The following HACL1 variants were observed in gnomAD, a reference collection of about 807,000 sequenced individuals.
HACL1 encodes the protein 1600020H07Rik.
In HACL1, 64 loss-of-function variants were observed where a neutral mutation model predicts 74.2. The observed-to-expected ratio is 0.86, with a 90% CI of 0.70 to 1.06. HACL1 has a LOEUF of 1.06. Among genes scored for constraint, HACL1 ranks in the 50% least tolerant of loss-of-function variants. The pLI is 0.00. For missense variants in HACL1, 728 were observed against 719.7 expected (o/e 1.01, Z -0.13); for synonymous variants, 230 against 238.8 (o/e 0.96, Z 0.34).
At chr3:15,566,632 G>A (rs1225836245) in intron 14 of HACL1, among the ~76,000 whole-genome samples, 1 of 151,876 alleles carries the variant, frequency 6.6e-6, no homozygotes, top group Non-Finnish European at 1.5e-5. Context: ...CTCCAGTCTG[G>A]GTGACAAAGC....
chr3:15,568,754 A>G (rs1179219227), intron 12 of HACL1, among the ~76,000 whole-genome samples, 168 bp from the exon 13 acceptor site: 1 of 152,256 alleles, frequency 6.6e-6, no homozygotes, highest in Non-Finnish European at 1.5e-5. Flanking sequence ...ACCTGTGAAC[A>G]GCCCTGGGGG....
chr3:15,576,148 CTG>C (rs1294979154), intron 9 of HACL1, among the ~76,000 whole-genome samples: 1 of 87,518 alleles, frequency 1.1e-5, no homozygotes, highest in African/African-American at 5.3e-5. Context: ...AAGCGAGACT[CTG>C]TCTCAAAAAA....
intron 9 of HACL1, among the ~76,000 whole-genome samples, chr3:15,578,134 C>T (rs1454036451): frequency 6.8e-6 from 1 of 147,846 alleles, no homozygotes; most frequent in Non-Finnish European, 1.5e-5. Context: ...AACCCTAAAG[C>T]AATATAAAAC....
chr3:15,578,614 G>A (rs945449947), intron 9 of HACL1, among the ~76,000 whole-genome samples: 3 of 152,164 alleles, frequency 2.0e-5, no homozygotes, highest in African/African-American at 7.2e-5. Flanking sequence ...AGAGTATGGG[G>A]GGAAATGTCA....
chr3:15,567,830 G>T lies in HACL1; in HGVS notation c.1409+14C>A. On this transcript the variant is annotated intron_variant, in intron 14 of 16. Coordinates refer to ENST00000321169, the MANE Select transcript of HACL1 (RefSeq NM_012260.4). The stretch of plus-strand genomic sequence containing the variant: ...CTAGAGAATCAAATGCTCTGATTCA[G>T]GATGATGTTTTACCTGCAGATGGTT... 1 of 1,608,410 alleles carries T rather than the reference G, an allele frequency of 6.2e-7. No homozygotes were observed. The highest frequency in any genetic ancestry group is 8.5e-7 in the Non-Finnish European group (1 of 1,174,772).
chr3:15,592,487 T>C (rs889773368), intron 3 of HACL1, among the ~76,000 whole-genome samples: 6 of 125,130 alleles, frequency 4.8e-5, no homozygotes, highest in Non-Finnish European at 7.0e-5. Flanking sequence ...TACATACACT[T>C]GTATACATAT....
chr3:15,583,750 C>G (rs1216136132), intron 7 of HACL1, among the ~76,000 whole-genome samples: 1 of 151,804 alleles, frequency 6.6e-6, no homozygotes, highest in Non-Finnish European at 1.5e-5. Context: ...CTCCATCTCC[C>G]AAGTTCAAGC....
chr3:15,598,480 T>C (rs2064114463), intron 2 of HACL1, among the ~76,000 whole-genome samples: 1 of 152,210 alleles, frequency 6.6e-6, no homozygotes, highest in Non-Finnish European at 1.5e-5. Context: ...TTTTGGCAAG[T>C]TGCTCTAAAT....
At chr3:15,592,585 C>T (rs1314942180) in intron 3 of HACL1, among the ~76,000 whole-genome samples, 4 of 134,948 alleles carry the variant, frequency 3.0e-5, no homozygotes, top group African/African-American at 8.4e-5. Context: ...CACATGTGTG[C>T]GTGTATACAC....
rs751496651 is a variant in HACL1, at chr3:15,589,528, A to T, written c.381+12T>A. ...TAAAAATAAAAAAAACCAAAATCTT[A>T]AAGTTGGATACCTGAGGAAACTCCT... On this transcript the variant is annotated intron_variant, in intron 5 of 16. Coordinates refer to ENST00000321169, the MANE Select transcript of HACL1 (RefSeq NM_012260.4). 2.6e-6 allele frequency: 4 copies of T among 1,558,574 alleles called. No individual in the cohort carries two copies. The African/African-American group carries it at 5.5e-5, about 21-fold the overall frequency.
intron 9 of HACL1, among the ~76,000 whole-genome samples, chr3:15,576,838 T>C (rs2063635056): frequency 6.6e-6 from 1 of 152,192 alleles, no homozygotes; most frequent in Non-Finnish European, 1.5e-5. Flanking sequence ...ACTCATAAAT[T>C]GAGTACATAC....
rs1316531476 is a variant in HACL1 at position 15,601,127 on chromosome 3, A to T, written c.149T>A (p.Leu50Gln). Residue 50 changes from leucine to glutamine, a missense_variant, in exon 2 of 17, where the codon CTA becomes CAA. Coordinates refer to ENST00000321169, the MANE Select transcript of HACL1 (RefSeq NM_012260.4). ...VTEIAIAAQQLGIKYIGMRNE... is the reference protein window; with the variant it reads ...VTEIAIAAQQQGIKYIGMRNE... Reference sequence around the variant, plus strand: ...CCTCATCCCGATGTACTTGATGCCTAGCTGCTGGGCAGCAATGGCGATTTC... The same window carrying T: ...CCTCATCCCGATGTACTTGATGCCTTGCTGCTGGGCAGCAATGGCGATTTC... The T allele has an allele frequency of 3.7e-6, 6 of 1,613,412 alleles. No homozygotes were observed. Among genetic ancestry groups the T allele is most frequent in the Non-Finnish European group, 5.1e-6 (6 of 1,179,416 alleles).
intron 9 of HACL1, among the ~76,000 whole-genome samples, chr3:15,577,858 G>A (rs1361007037): frequency 1.3e-5 from 2 of 151,884 alleles, no homozygotes; most frequent in Non-Finnish European, 2.9e-5. Context: ...CAGCACTTTG[G>A]GAGGCTGAGG....
intron 3 of HACL1, among the ~76,000 whole-genome samples, chr3:15,592,455 C>G (rs1284338360): frequency 1.6e-5 from 2 of 123,942 alleles, no homozygotes; most frequent in Non-Finnish European, 3.3e-5. Context: ...TACATACACA[C>G]ACGTATACAT....
At chr3:15,587,896 T>C (rs1559558118) in intron 5 of HACL1, among the ~76,000 whole-genome samples, 1 of 152,202 alleles carries the variant, frequency 6.6e-6, no homozygotes, top group Non-Finnish European at 1.5e-5. Context: ...TGATTTTATT[T>C]ATGTATTTAT....
rs1218113872 is a variant in HACL1, at chr3:15,601,466, T to C, written c.-3A>G. 1 of 1,612,628 alleles carries C rather than the reference T, an allele frequency of 6.2e-7. No homozygotes were observed. Among genetic ancestry groups the C allele is most frequent in the Admixed American group, 1.7e-5 (1 of 60,018 alleles). On this transcript the variant is annotated 5_prime_UTR_variant, in exon 1 of 17. Coordinates refer to ENST00000321169, the MANE Select transcript of HACL1 (RefSeq NM_012260.4). Reference sequence around the variant, plus strand: ...TCTGCGAAGTTACTGTCCGGCATCTTCCACCGAAAAGCTCTAAGCACTCAC... The same window carrying C: ...TCTGCGAAGTTACTGTCCGGCATCTCCCACCGAAAAGCTCTAAGCACTCAC...
chr3:15,587,183 T>C (rs1025311312), intron 5 of HACL1, among the ~76,000 whole-genome samples: 5 of 149,984 alleles, frequency 3.3e-5, no homozygotes, highest in African/African-American at 1.2e-4. Context: ...GAAAAGCTGA[T>C]AGTCCCACAG....
At chr3:15,567,587 C>T (rs977005021) in intron 14 of HACL1, among the ~76,000 whole-genome samples, 1 of 152,122 alleles carries the variant, frequency 6.6e-6, no homozygotes, top group African/African-American at 2.4e-5. Context: ...CAGTCCCCAA[C>T]ATTTTTTTCT....
chr3:15,601,091 G>T lies in HACL1; in HGVS notation c.185C>A (p.Ala62Glu). 6.2e-7 allele frequency: 1 copy of T among 1,600,994 alleles called. No individual in the cohort carries two copies. Among genetic ancestry groups the T allele is most frequent in the Non-Finnish European group, 8.6e-7 (1 of 1,167,972 alleles). Residue 62 changes from alanine to glutamate, a missense_variant and splice_region_variant, in exon 2 of 17, where the codon GCG becomes GAG. By Grantham distance (107) the Ala-to-Glu change is moderately radical. Transcript: ENST00000321169. Reference sequence around the variant, plus strand: ...TCAGCCACCTGAGTCCATACTCACCGCTTGCTCATTCCTCATCCCGATGTA... The same window carrying T: ...TCAGCCACCTGAGTCCATACTCACCTCTTGCTCATTCCTCATCCCGATGTA... ...IKYIGMRNEQ[A>E]ACYAASAIGY...
Sources: gnomAD v4.1 joint callset for allele counts (sites outside exome capture counted in the v4.1 genomes callset) on GRCh38, gnomAD v4.1.1 for gene constraint, MANE v1.5 for transcripts, NCBI Gene and HGNC (gene_info 2026-07-23, HGNC 2026-07-21) for gene names.